Variants in TTC39C observed in about 807,000 individuals in gnomAD.
The protein encoded by TTC39C is tetratricopeptide repeat domain 39C.
A neutral mutation model predicts 76.3 loss-of-function variants in TTC39C; 33 were observed. The ratio of observed to expected loss-of-function variants is 0.43; its 90% CI spans 0.33 to 0.58. The LOEUF (loss-of-function observed/expected upper bound fraction) is 0.58. TTC39C is among the 20% of genes least tolerant of loss of function. TTC39C has a pLI of 0.04. For synonymous variants in TTC39C, 254 were observed against 260.6 expected (o/e 0.97, Z 0.24); for missense variants, 595 against 701.4 (o/e 0.85, Z 1.71).
At chr18:24,126,817 T>C (rs2085057367) in intron 10 of TTC39C, among the ~76,000 whole-genome samples, 1 of 152,110 alleles carries the variant, frequency 6.6e-6, no homozygotes, top group African/African-American at 2.4e-5. Flanking sequence ...CTGGCTACTG[T>C]ATTTATTTTT....
intron 1 of TTC39C, chr18:24,022,783 C>T: frequency 1.0e-6 from 1 of 985,380 alleles, no homozygotes; most frequent in Non-Finnish European, 1.2e-6. Flanking sequence ...CTGTCTGCTT[C>T]CTGTCCTGCT....
intron 1 of TTC39C, among the ~76,000 whole-genome samples, chr18:24,044,591 A>G (rs2083840171): frequency 1.3e-5 from 2 of 152,180 alleles, no homozygotes; most frequent in Admixed American, 1.3e-4. Flanking sequence ...AGGAAAGGGA[A>G]GAACATAGAG....
At chr18:24,002,453 T>G (rs1440204999) in intron 1 of TTC39C, among the ~76,000 whole-genome samples, 1 of 152,206 alleles carries the variant, frequency 6.6e-6, no homozygotes, top group African/African-American at 2.4e-5. Flanking sequence ...AGCAGCCATT[T>G]AATGTTTTAA....
intron 12 of TTC39C, among the ~76,000 whole-genome samples, chr18:24,130,666 G>A (rs2085115277): frequency 6.6e-6 from 1 of 151,930 alleles, no homozygotes; most frequent in Non-Finnish European, 1.5e-5. Context: ...GCTGAGAAAT[G>A]CGTTGTTAGG....
At chr18:24,117,938 A>G (rs2084916932) in intron 7 of TTC39C, among the ~76,000 whole-genome samples, 187 bp from the exon 8 acceptor site, 2 of 152,190 alleles carry the variant, frequency 1.3e-5, no homozygotes, top group African/African-American at 4.8e-5. Flanking sequence ...GTGCCTTGTC[A>G]AATTCAAACT....
At chr18:24,070,564 G>A (rs1036191555) in intron 4 of TTC39C, among the ~76,000 whole-genome samples, 1 of 152,132 alleles carries the variant, frequency 6.6e-6, no homozygotes, top group South Asian at 2.1e-4. Flanking sequence ...AAAATATCTG[G>A]CCAGGTGCCT....
chr18:23,999,276 C>T (rs769836549), intron 1 of TTC39C, among the ~76,000 whole-genome samples: 1 of 152,104 alleles, frequency 6.6e-6, no homozygotes, highest in Non-Finnish European at 1.5e-5. Flanking sequence ...AGGCTCTATC[C>T]CAGAGCTGGA....
At chr18:23,997,652 GAGAAAGAAAGAAAGAAAGAAAGAA>G (rs1176951123) in intron 1 of TTC39C, among the ~76,000 whole-genome samples, 24 of 44,410 alleles carry the variant, frequency 5.4e-4, no homozygotes, top group African/African-American at 2.2e-3. Context: ...AGGAAGGAAG[GAGAAAGAAAGAAAGAAAGAAAGAA>G]AGAAAGAAAG....
intron 6 of TTC39C, among the ~76,000 whole-genome samples, chr18:24,110,466 C>G (rs1470744022): frequency 6.6e-6 from 1 of 152,080 alleles, no homozygotes; most frequent in East Asian, 1.9e-4. Flanking sequence ...TATTTTAATG[C>G]CTCCATGGAA....
chr18:24,065,934 T>G, intron 2 of TTC39C, 78 bp from the exon 3 acceptor site: 1 of 1,404,932 alleles, frequency 7.1e-7, no homozygotes, highest in Non-Finnish European at 9.5e-7. Flanking sequence ...TTTTTTAATT[T>G]GGAGTTTTCT....
intron 1 of TTC39C, among the ~76,000 whole-genome samples, chr18:24,019,104 C>T (rs2083489872): frequency 6.6e-6 from 1 of 152,164 alleles, no homozygotes; most frequent in Admixed American, 6.5e-5. Flanking sequence ...TAACAGAGGA[C>T]TGGCAGTAAT....
chr18:24,077,778 A>T (rs754183427), intron 4 of TTC39C, among the ~76,000 whole-genome samples: 11 of 151,950 alleles, frequency 7.2e-5, no homozygotes, highest in Non-Finnish European at 1.0e-4. Flanking sequence ...TCTAGTTTCT[A>T]TTTTTTTCTG....
intron 8 of TTC39C, among the ~76,000 whole-genome samples, chr18:24,119,797 A>G (rs1418095314): frequency 6.6e-6 from 1 of 152,216 alleles, no homozygotes; most frequent in African/African-American, 2.4e-5. Flanking sequence ...TGAAGAGTGG[A>G]TGAATCCAGA....
At position 24,047,918 on chromosome 18, in the gene TTC39C, A is replaced by G. The variant is rs2145705520; in HGVS notation, c.168-16222A>G. Among the ~76,000 whole-genome samples, 3 of 152,316 alleles carry G rather than the reference A, an allele frequency of 2.0e-5. No homozygotes were observed. The East Asian group carries it at 5.8e-4, about 29-fold the overall frequency. On this transcript the variant is annotated intron_variant, in intron 1 of 13. Coordinates refer to ENST00000317571, the MANE Select transcript of TTC39C (RefSeq NM_001135993.2). ...TCGAAACATTTTGTGTGCCCCATAA[A>G]TATATACACCTATGTACTCATAAAA...
chr18:24,129,952 G>A (rs541171114), intron 11 of TTC39C, among the ~76,000 whole-genome samples: 1 of 152,098 alleles, frequency 6.6e-6, no homozygotes, highest in African/African-American at 2.4e-5. Flanking sequence ...CAGTCAAGAC[G>A]CATGTCGAGA....
At chr18:24,053,704 C>T (rs909578353) in intron 1 of TTC39C, among the ~76,000 whole-genome samples, 6 of 152,178 alleles carry the variant, frequency 3.9e-5, no homozygotes, top group Non-Finnish European at 8.8e-5. Flanking sequence ...GAGCCGATAG[C>T]CCAGGAACCA....
chr18:24,046,013 A>T (rs1410924631), intron 1 of TTC39C, among the ~76,000 whole-genome samples: 12 of 132,674 alleles, frequency 9.0e-5, no homozygotes, highest in Non-Finnish European at 1.8e-4. Context: ...ATCTCTGCTC[A>T]CTGCAAGCTC....
intron 10 of TTC39C, among the ~76,000 whole-genome samples, chr18:24,128,133 A>G (rs996919843): frequency 6.6e-6 from 1 of 152,228 alleles, no homozygotes; most frequent in Non-Finnish European, 1.5e-5. Flanking sequence ...CTAAGCACCT[A>G]GAATTGCCTG....
At chr18:24,043,516 C>T (rs1408488882) in intron 1 of TTC39C, among the ~76,000 whole-genome samples, 1 of 152,148 alleles carries the variant, frequency 6.6e-6, no homozygotes, top group East Asian at 1.9e-4. Context: ...GTTTTCTGGT[C>T]ATGAACCAGG....
Sources: allele counts gnomAD v4.1 joint callset (sites outside exome capture counted in the v4.1 genomes callset), GRCh38; gene constraint gnomAD v4.1.1; transcripts MANE v1.5; gene names NCBI Gene and HGNC (gene_info 2026-07-23, HGNC 2026-07-21).